KCNQ1OT1: variants seen among roughly 807,000 people sequenced by gnomAD.
KCNQ1OT1 encodes the protein KCNQ1 antisense RNA 2 (non-protein coding).
At chr11:2,696,124 TC>T in exon 1 of KCNQ1OT1, 1 of 398,666 alleles carries the variant, frequency 2.5e-6, no homozygotes, top group African/African-American at 2.1e-5. Flanking sequence ...ATTAATGCAT[TC>T]AAGTTCATAC....
exon 1 of KCNQ1OT1, chr11:2,656,945 G>A (rs1261045703): frequency 7.5e-6 from 3 of 398,458 alleles, no homozygotes; most frequent in Non-Finnish European, 1.3e-5. Context: ...TCCAGTGTGG[G>A]TATCCAACTG....
chr11:2,620,562 T>C lies in KCNQ1OT1; in HGVS notation n.79433A>G, dbSNP rs916825484. 3.3e-5 allele frequency: 13 copies of C among 396,870 alleles called. No individual in the cohort carries two copies. Among genetic ancestry groups the C allele is most frequent in the Non-Finnish European group, 4.9e-5 (11 of 225,548 alleles). The allele number at this position is 396,870 out of a possible 1,614,324, so 24.6% of individuals were successfully genotyped here. A position where few individuals can be genotyped will look rare whatever the true frequency, so the allele number is the denominator to read the frequency against. On this transcript the variant is annotated non_coding_transcript_exon_variant, in exon 1 of 1. Coordinates refer to ENST00000597346, the Ensembl canonical transcript of KCNQ1OT1. The surrounding 1 kb of genome is among the most constrained non-coding windows in gnomAD (Gnocchi z 4.5). ...TGCATAGTATTCCATGGTGTACATGTACCACATTTTCTTTATCCAATCCAC... is the reference window on the plus strand; with the variant it reads ...TGCATAGTATTCCATGGTGTACATGCACCACATTTTCTTTATCCAATCCAC...
chr11:2,614,736 T>G (rs1351765019), exon 1 of KCNQ1OT1: 14 of 398,386 alleles, frequency 3.5e-5, no homozygotes, highest in Non-Finnish European at 5.3e-5. Flanking sequence ...GGTCTATATG[T>G]CCATCCTTGT....
Position 2,620,193 on chromosome 11 carries a change from A to G in KCNQ1OT1, n.79802T>C. The G allele has an allele frequency of 5.6e-6, 2 of 359,256 alleles. No homozygotes were observed. Among genetic ancestry groups the G allele is most frequent in the Non-Finnish European group, 9.6e-6 (2 of 209,276 alleles). 22.3% of individuals were successfully genotyped at this position (359,256 alleles called of 1,614,324 possible). A position where few individuals can be genotyped will look rare whatever the true frequency, so the allele number is the denominator to read the frequency against. On this transcript the variant is annotated non_coding_transcript_exon_variant, in exon 1 of 1. Coordinates refer to ENST00000597346, the Ensembl canonical transcript of KCNQ1OT1. This position sits in a 1 kb window ranked among gnomAD's most constrained non-coding sequence, Gnocchi z 4.5. Reference sequence around the variant, plus strand: ...ATGTTGCTGCAAAGGACGTAAGTTCATTCATGTATATATATATATTTTTTT... The same window carrying G: ...ATGTTGCTGCAAAGGACGTAAGTTCGTTCATGTATATATATATATTTTTTT...
At chr11:2,618,106 GC>G (rs1418208528) in exon 1 of KCNQ1OT1, 3 of 398,332 alleles carry the variant, frequency 7.5e-6, no homozygotes, top group Non-Finnish European at 1.3e-5. Flanking sequence ...CACTGCCAGA[GC>G]CATGTCGAGC....
Position 2,664,761 on chromosome 11 carries a change from CAG to C in KCNQ1OT1, n.35232_35233del, listed in dbSNP as rs1491093318. On this transcript the variant is annotated non_coding_transcript_exon_variant, in exon 1 of 1. Coordinates refer to ENST00000597346, the Ensembl canonical transcript of KCNQ1OT1. The surrounding 1 kb of genome is among the most constrained non-coding windows in gnomAD (Gnocchi z 5.1). ...GACAGGGATGTGTGCTGGGGTCTCA[CAG>C]GGGGCAGAGTGGGTGGGAGGCAGTT... 8 of 398,646 alleles carry C rather than the reference CAG, an allele frequency of 2.0e-5. No homozygotes were observed. Among genetic ancestry groups the C allele is most frequent in the African/African-American group, 1.4e-4 (7 of 48,586 alleles). The allele number at this position is 398,646 out of a possible 1,614,324, so 24.7% of individuals were successfully genotyped here.
At chr11:2,685,051 A>C (rs1011465736) in exon 1 of KCNQ1OT1, 2 of 398,542 alleles carry the variant, frequency 5.0e-6, no homozygotes. Flanking sequence ...TCCTGGATTT[A>C]AAATGTATGG....
Position 2,645,057 on chromosome 11 carries a change from T to C in KCNQ1OT1, n.54938A>G. ...AGGCAACTTGCTCAGGTGCCAATGATGACAGAGCTGGGCCACAGGGTGGGT... is the reference window on the plus strand; with the variant it reads ...AGGCAACTTGCTCAGGTGCCAATGACGACAGAGCTGGGCCACAGGGTGGGT... On this transcript the variant is annotated non_coding_transcript_exon_variant, in exon 1 of 1. Transcript: ENST00000597346. The surrounding 1 kb of genome is among the most constrained non-coding windows in gnomAD (Gnocchi z 5.8). 7.5e-6 allele frequency: 3 copies of C among 398,776 alleles called. No individual in the cohort carries two copies. The highest frequency in any genetic ancestry group is 1.3e-5 in the Non-Finnish European group (3 of 226,196). 24.7% of individuals were successfully genotyped at this position (398,776 alleles called of 1,614,324 possible).
At chr11:2,610,821 T>C (rs944466026) in exon 1 of KCNQ1OT1, 1 of 395,950 alleles carries the variant, frequency 2.5e-6, no homozygotes, top group African/African-American at 2.1e-5. Context: ...AGCTCCACAT[T>C]TGTCTCCCTG....
At chr11:2,632,304 T>A in exon 1 of KCNQ1OT1, 7 of 398,516 alleles carry the variant, frequency 1.8e-5, no homozygotes, top group Non-Finnish European at 3.1e-5. Flanking sequence ...TCTACAAATA[T>A]GATCATATCT....
exon 1 of KCNQ1OT1, chr11:2,636,401 T>C (rs1052249069): frequency 3.9e-4 from 60 of 152,242 alleles, no homozygotes; most frequent in African/African-American, 1.4e-3. Context: ...TGAAGGGCTG[T>C]TGAATTTTGT....
chr11:2,688,986 C>G (rs978243575), exon 1 of KCNQ1OT1: 2 of 398,628 alleles, frequency 5.0e-6, no homozygotes, highest in African/African-American at 4.1e-5. Context: ...ATCTGGAGAG[C>G]AGGGGAGCCT....
At position 2,653,877 on chromosome 11, in the gene KCNQ1OT1, A is replaced by G. The variant is rs2133846218; in HGVS notation, n.46118T>C. Reference sequence around the variant, plus strand: ...TAAACACTGCACACTAGGAGTGGGAAAGGAAGAGCCCCCTAAGGAAGATTT... The same window carrying G: ...TAAACACTGCACACTAGGAGTGGGAGAGGAAGAGCCCCCTAAGGAAGATTT... On this transcript the variant is annotated non_coding_transcript_exon_variant, in exon 1 of 1. Coordinates refer to ENST00000597346, the Ensembl canonical transcript of KCNQ1OT1. The surrounding 1 kb of genome is among the most constrained non-coding windows in gnomAD (Gnocchi z 5.3). 1.0e-5 allele frequency: 4 copies of G among 398,644 alleles called. No homozygotes were observed. In the East Asian group the frequency reaches 1.4e-4, roughly 14 times the overall value. The allele number at this position is 398,644 out of a possible 1,614,324, so 24.7% of individuals were successfully genotyped here.
chr11:2,633,036 A>C, exon 1 of KCNQ1OT1: 1 of 398,494 alleles, frequency 2.5e-6, no homozygotes, highest in Non-Finnish European at 4.4e-6. Context: ...TCCCACAAAT[A>C]GTGTATTATT....
exon 1 of KCNQ1OT1, chr11:2,625,578 CT>C (rs35148119): frequency 0.59 from 203,015 of 346,108 alleles, 33,970 homozygotes; most frequent in Admixed American, 0.69. Flanking sequence ...GTCCTTTGCC[CT>C]TTTTTTTTTT....
chr11:2,664,590 C>T lies in KCNQ1OT1; in HGVS notation n.35405G>A, dbSNP rs75352146. The T allele has an allele frequency of 0.013, 5,138 of 398,634 alleles. 162 individuals are homozygous for T. Among genetic ancestry groups the T allele is most frequent in the East Asian group, 0.081 (2,261 of 28,048 alleles). The allele number at this position is 398,634 out of a possible 1,614,324, so 24.7% of individuals were successfully genotyped here. On this transcript the variant is annotated non_coding_transcript_exon_variant, in exon 1 of 1. Coordinates refer to ENST00000597346, the Ensembl canonical transcript of KCNQ1OT1. This position sits in a 1 kb window ranked among gnomAD's most constrained non-coding sequence, Gnocchi z 5.1. ...CTTCTGCCCGCATTGGGGCTGCATT[C>T]CTCCACCTCCTGCACAGCCCGCCCA...
rs953910042 is a variant in KCNQ1OT1, at chr11:2,659,895, C to G, written n.40100G>C. ...TCCATTTTTAAAATTGGATTGTTCA[C>G]TTTATTGTCAAGTTGTAAGCATTCT... On this transcript the variant is annotated non_coding_transcript_exon_variant, in exon 1 of 1. Coordinates refer to ENST00000597346, the Ensembl canonical transcript of KCNQ1OT1. This position sits in a 1 kb window ranked among gnomAD's most constrained non-coding sequence, Gnocchi z 4.3. 7.5e-6 allele frequency: 3 copies of G among 398,170 alleles called. No individual in the cohort carries two copies. Among genetic ancestry groups the G allele is most frequent in the Middle Eastern group, 6.2e-4 (1 of 1,606 alleles). The allele number at this position is 398,170 out of a possible 1,614,324, so 24.7% of individuals were successfully genotyped here.
exon 1 of KCNQ1OT1, chr11:2,666,111 C>T (rs1590018069): frequency 2.5e-6 from 1 of 398,726 alleles, no homozygotes; most frequent in Non-Finnish European, 4.4e-6. Context: ...CATGTGGTTT[C>T]TCTGAAGGGC....
chr11:2,691,124 G>C lies in KCNQ1OT1; in HGVS notation n.8871C>G. On this transcript the variant is annotated non_coding_transcript_exon_variant, in exon 1 of 1. Coordinates refer to ENST00000597346, the Ensembl canonical transcript of KCNQ1OT1. The surrounding 1 kb of genome is among the most constrained non-coding windows in gnomAD (Gnocchi z 6.4). ...CAACAGTAGGGGTGGAGGCTGTGCA[G>C]ACCTGGTGCAGAGTCTGTGCTGGCC... The C allele has an allele frequency of 2.5e-6, 1 of 398,704 alleles. No homozygotes were observed. The highest frequency in any genetic ancestry group is 3.6e-5 in the East Asian group (1 of 28,080). The allele number at this position is 398,704 out of a possible 1,614,324, so 24.7% of individuals were successfully genotyped here. A position where few individuals can be genotyped will look rare whatever the true frequency, so the allele number is the denominator to read the frequency against.
Sources: allele counts gnomAD v4.1 joint callset, GRCh38; gene constraint gnomAD v4.1.1; non-coding constraint Gnocchi (gnomAD v3.1); transcripts MANE v1.5; gene names NCBI Gene and HGNC (gene_info 2026-07-23, HGNC 2026-07-21).